Variants in COL22A1 observed in about 807,000 individuals in gnomAD.
The protein encoded by COL22A1 is collagen type XXII alpha 1 chain.
A neutral mutation model predicts 248.9 loss-of-function variants in COL22A1; 221 were observed. The observed-to-expected ratio is 0.89, with a 90% CI of 0.80 to 0.99. COL22A1 has a LOEUF of 0.99. Ranked by LOEUF, COL22A1 falls within the 50% of genes least tolerant of loss-of-function variation. COL22A1 has a pLI of 0.00. For missense variants in COL22A1, 2,240 were observed against 2,179.0 expected, an observed-to-expected ratio of 1.03 and a Z score of -0.56; for synonymous variants, 891 against 793.4, an observed-to-expected ratio of 1.12 and a Z score of -2.07.
chr8:138,911,244 C>G (rs1056792156), intron 1 of COL22A1, among the ~76,000 whole-genome samples: 1 of 152,244 alleles, frequency 6.6e-6, no homozygotes, highest in Admixed American at 6.5e-5. Context: ...TAGCTGGACC[C>G]TCTGGGGACC....
chr8:138,597,731 T>A (rs10087521), intron 61 of COL22A1, among the ~76,000 whole-genome samples: 19,772 of 152,218 alleles, frequency 0.13, 1,314 homozygotes, highest in South Asian at 0.19. Flanking sequence ...TTCTGTTTCC[T>A]TATTCTTTTA....
At chr8:138,878,420 T>A in intron 2 of COL22A1, 104 bp from the exon 3 acceptor site, 1 of 983,814 alleles carries the variant, frequency 1.0e-6, no homozygotes, top group Non-Finnish European at 1.4e-6. Flanking sequence ...CTCAAATACC[T>A]ACCTGCCCTG....
At chr8:138,818,144 G>A (rs956949843) in intron 7 of COL22A1, among the ~76,000 whole-genome samples, 8 of 152,226 alleles carry the variant, frequency 5.3e-5, no homozygotes, top group African/African-American at 1.4e-4. Context: ...CTGAGCCTCC[G>A]TATCCTTGTC....
intron 13 of COL22A1, 81 bp downstream of exon 13, chr8:138,780,846 A>G: frequency 8.4e-7 from 1 of 1,196,880 alleles, no homozygotes. Flanking sequence ...ATGCCACCCC[A>G]CTTAAGGACA....
intron 10 of COL22A1, among the ~76,000 whole-genome samples, chr8:138,804,942 G>A (rs111066385): frequency 0.071 from 9,907 of 139,492 alleles, 753 homozygotes; most frequent in African/African-American, 0.2. Flanking sequence ...TGTGTGTGAT[G>A]GTGCATGTGT....
At chr8:138,772,233 G>C (rs927834820) in intron 16 of COL22A1, among the ~76,000 whole-genome samples, 4 of 152,248 alleles carry the variant, frequency 2.6e-5, no homozygotes, top group Non-Finnish European at 5.9e-5. Context: ...GTCAACAGAG[G>C]ACTGGCCACG....
At chr8:138,778,112 G>A (rs1374331697) in intron 15 of COL22A1, 4 of 580,398 alleles carry the variant, frequency 6.9e-6, no homozygotes, top group Admixed American at 5.8e-5. Context: ...GATCTACCCT[G>A]CTTCTTGATG....
chr8:138,675,742 A>G (rs1587835090), intron 41 of COL22A1, among the ~76,000 whole-genome samples: 1 of 152,344 alleles, frequency 6.6e-6, no homozygotes, highest in Non-Finnish European at 1.5e-5. Flanking sequence ...AAAAACTATC[A>G]TTCAGTAAAG....
At chr8:138,795,528 G>GACACACACACACACACACACACACAC (rs6150850) in intron 12 of COL22A1, among the ~76,000 whole-genome samples, 95 of 144,864 alleles carry the variant, frequency 6.6e-4, no homozygotes, top group African/African-American at 2.2e-3. Context: ...CTCTCTTTCA[G>GACACACACACACACACACACACACAC]ACACACACAC....
chr8:138,874,585 C>T (rs925329134), intron 3 of COL22A1, among the ~76,000 whole-genome samples: 3 of 152,316 alleles, frequency 2.0e-5, no homozygotes, highest in East Asian at 1.9e-4. Flanking sequence ...ATAATCTCTT[C>T]TCCTCCCCGG....
At chr8:138,816,833 T>C (rs994053301) in intron 7 of COL22A1, among the ~76,000 whole-genome samples, 2 of 152,222 alleles carry the variant, frequency 1.3e-5, no homozygotes, top group African/African-American at 4.8e-5. Context: ...TAGAGATGTA[T>C]TGATTCTCCT....
At chr8:138,803,019 G>A in intron 10 of COL22A1, 85 bp from the exon 11 acceptor site, 1 of 1,047,202 alleles carries the variant, frequency 9.5e-7, no homozygotes, top group Non-Finnish European at 1.5e-6. Context: ...GGCCAACCTT[G>A]CTCCAATTCC....
intron 27 of COL22A1, among the ~76,000 whole-genome samples, chr8:138,717,416 G>A (rs1829528961): frequency 1.3e-5 from 2 of 152,052 alleles, no homozygotes; most frequent in Admixed American, 1.3e-4. Context: ...CAAAGTGCTG[G>A]GATTACAGGA....
At chr8:138,723,881 T>C (rs1226301558) in intron 25 of COL22A1, among the ~76,000 whole-genome samples, 1 of 152,178 alleles carries the variant, frequency 6.6e-6, no homozygotes, top group Non-Finnish European at 1.5e-5. Flanking sequence ...CATGGAGAAG[T>C]GGGGAGACCT....
In COL22A1 at chr8:138,715,689, C is replaced by T; in HGVS notation, c.2510G>A (p.Gly837Asp). ...LGLPGLKGDR[G>D]EKGEAGPAGP... is the part of the protein sequence containing the mutation. ...AGAGCAAGTTTCTCCTACCTTTTCA[C>T]CTCGGTCACCTTTCAGTCCTGGAAG... Residue 837 changes from glycine to aspartate, a missense_variant, in exon 30 of 65, where the codon GGT (glycine) becomes GAT (aspartate). Gly to Asp is a moderately conservative substitution (Grantham distance 94). Coordinates refer to ENST00000303045, the MANE Select transcript of COL22A1 (RefSeq NM_152888.3). 1 of 1,611,484 alleles carries T rather than the reference C, an allele frequency of 6.2e-7. No individual in the cohort carries two copies. The highest frequency in any genetic ancestry group is 8.5e-7 in the Non-Finnish European group (1 of 1,178,576).
intron 45 of COL22A1, among the ~76,000 whole-genome samples, chr8:138,655,271 C>T (rs1823135465): frequency 6.6e-6 from 1 of 152,160 alleles, no homozygotes. Context: ...ATCTGCAGTG[C>T]CCAATAAGGC....
At chr8:138,632,280 A>G (rs1820789117) in intron 49 of COL22A1, among the ~76,000 whole-genome samples, 3 of 152,194 alleles carry the variant, frequency 2.0e-5, no homozygotes, top group Admixed American at 1.3e-4. Context: ...TAAGCCTAGG[A>G]AACCTACTTG....
At chr8:138,654,243 C>A (rs1823010321) in intron 45 of COL22A1, among the ~76,000 whole-genome samples, 1 of 152,036 alleles carries the variant, frequency 6.6e-6, no homozygotes, top group African/African-American at 2.4e-5. Flanking sequence ...GAAAAAGAAT[C>A]CAGGCTAATA....
intron 24 of COL22A1, 21 bp from the exon 25 acceptor site, chr8:138,724,689 C>T (rs776784093): frequency 1.2e-6 from 2 of 1,611,464 alleles, no homozygotes; most frequent in Non-Finnish European, 1.7e-6. Context: ...ACCACATGGA[C>T]CCTGTTAGCC....
Sources: gnomAD v4.1 joint callset for allele counts (sites outside exome capture counted in the v4.1 genomes callset) on GRCh38, gnomAD v4.1.1 for gene constraint, MANE v1.5 for transcripts, NCBI Gene and HGNC (gene_info 2026-07-23, HGNC 2026-07-21) for gene names.